The following BTBD9 variants were observed in gnomAD, a reference collection of about 807,000 sequenced individuals.
BTBD9 encodes BTB/POZ domain-containing protein 9.
Under a neutral mutation model 64.3 loss-of-function variants are expected in BTBD9, and 49 were observed. The observed-to-expected ratio is 0.76, with a 90% CI of 0.61 to 0.97. The LOEUF is 0.97. Ranked by LOEUF, BTBD9 falls within the 50% of genes least tolerant of loss-of-function variation. The pLI is 0.00. For missense variants in BTBD9, 598 were observed against 762.1 expected (o/e 0.78, Z 2.53); for synonymous variants, 260 against 274.7 (o/e 0.95, Z 0.53).
In BTBD9 at chr6:38,192,552, G is replaced by T; in HGVS notation, c.1608C>A (p.Ile536=). 1.2e-6 allele frequency: 2 copies of T among 1,613,992 alleles called. No individual in the cohort carries two copies. The highest frequency in any genetic ancestry group is 1.7e-6 in the Non-Finnish European group (2 of 1,179,954). ...CTGTGTTGTGTGTCCCAACGATACG[G>T]ATGAAGGAGGCAGGCTGCCTTTCAA... ...VTFERQPASF[I]RIVGTHNTAN... Residue 536 remains isoleucine, a synonymous_variant, in exon 10 of 11, where the codon ATC becomes ATA. Transcript: ENST00000481247.
At chr6:38,192,684 G>T in intron 9 of BTBD9, 87 bp from the exon 10 acceptor site, 1 of 1,215,828 alleles carries the variant, frequency 8.2e-7, no homozygotes, top group South Asian at 1.2e-5. Flanking sequence ...CCACTGAGGA[G>T]GGAGGGCTTC....
At chr6:38,548,788 C>A (rs2127445292) in intron 6 of BTBD9, among the ~76,000 whole-genome samples, 1 of 152,204 alleles carries the variant, frequency 6.6e-6, no homozygotes, top group Middle Eastern at 3.4e-3. Context: ...ACTGTTGTAA[C>A]CTGATAAAAG....
At chr6:38,519,462 G>T (rs1252881948) in intron 6 of BTBD9, among the ~76,000 whole-genome samples, 1 of 152,202 alleles carries the variant, frequency 6.6e-6, no homozygotes, top group Non-Finnish European at 1.5e-5. Flanking sequence ...TGATAGATAT[G>T]TGACACAGCA....
At chr6:38,371,314 G>T (rs1301779529) in intron 6 of BTBD9, among the ~76,000 whole-genome samples, 1 of 152,166 alleles carries the variant, frequency 6.6e-6, no homozygotes, top group Non-Finnish European at 1.5e-5. Context: ...AAAAGACAGA[G>T]AAATTTAAAC....
chr6:38,618,746 G>C (rs1014480650), intron 1 of BTBD9, among the ~76,000 whole-genome samples: 1 of 152,158 alleles, frequency 6.6e-6, no homozygotes, highest in East Asian at 1.9e-4. Context: ...TAGGGTCTAG[G>C]GCAAACCTTC....
At chr6:38,479,383 TA>T (rs1011534645) in intron 6 of BTBD9, among the ~76,000 whole-genome samples, 1 of 151,730 alleles carries the variant, frequency 6.6e-6, no homozygotes, top group African/African-American at 2.4e-5. Context: ...GGAGGAAGCA[TA>T]AAAAAAATCA....
In BTBD9 at chr6:38,593,992, G is replaced by C; in HGVS notation, c.521C>G (p.Ser174Ter). The change falls in exon 3 of 11, where the codon TCA (serine) becomes TGA (stop). Residue 174 changes from serine to a stop codon, truncating the protein, a stop_gained. Transcript: ENST00000481247. LOFTEE classifies it high-confidence loss of function. ...AGAAAGGGAGAGGAAACCTTCACTT[G>C]AGAGGACTTCCTGAGCATTCCTATC... ...FMDRNAQEVL[S>*]SEGFLSLSKT... The C allele has an allele frequency of 6.2e-7, 1 of 1,613,646 alleles. No individual in the cohort carries two copies. Among genetic ancestry groups the C allele is most frequent in the African/African-American group, 1.3e-5 (1 of 75,042 alleles).
At chr6:38,508,385 C>G (rs773369897) in intron 6 of BTBD9, among the ~76,000 whole-genome samples, 1 of 152,050 alleles carries the variant, frequency 6.6e-6, no homozygotes, top group African/African-American at 2.4e-5. Context: ...ACCCCTCCCC[C>G]AAATAGACAC....
At chr6:38,613,255 C>A (rs1292368175) in intron 1 of BTBD9, among the ~76,000 whole-genome samples, 1 of 152,126 alleles carries the variant, frequency 6.6e-6, no homozygotes, top group African/African-American at 2.4e-5. Flanking sequence ...ACATTATAGT[C>A]CTGTTTGACA....
intron 9 of BTBD9, among the ~76,000 whole-genome samples, chr6:38,208,923 T>C (rs968343311): frequency 1.3e-5 from 2 of 152,198 alleles, no homozygotes; most frequent in Non-Finnish European, 2.9e-5. Flanking sequence ...GAATTAGTGA[T>C]TGTTTTGGCC....
At chr6:38,532,715 C>A (rs867239401) in intron 6 of BTBD9, among the ~76,000 whole-genome samples, 1 of 151,978 alleles carries the variant, frequency 6.6e-6, no homozygotes, top group Admixed American at 6.6e-5. Context: ...AAGGGAAGAA[C>A]CCAGTCCTCG....
chr6:38,336,198 G>C (rs1197637693), intron 7 of BTBD9, among the ~76,000 whole-genome samples: 1 of 152,124 alleles, frequency 6.6e-6, no homozygotes, highest in African/African-American at 2.4e-5. Context: ...CCACTAGAAG[G>C]GGCTCTGCCT....
intron 8 of BTBD9, 99 bp from the exon 9 acceptor site, chr6:38,256,615 A>G: frequency 1.3e-6 from 1 of 796,288 alleles, no homozygotes; most frequent in Non-Finnish European, 2.1e-6. Flanking sequence ...TTTGTTCAGC[A>G]CATTTCTAGG....
chr6:38,592,981 T>C (rs1776871377), intron 3 of BTBD9, 141 bp from the exon 4 acceptor site: 5 of 829,786 alleles, frequency 6.0e-6, no homozygotes, highest in Admixed American at 2.7e-5. Flanking sequence ...TTGTGCCACA[T>C]ATTCTCCTAC....
At chr6:38,549,082 A>G (rs1774683042) in intron 6 of BTBD9, among the ~76,000 whole-genome samples, 1 of 152,202 alleles carries the variant, frequency 6.6e-6, no homozygotes, top group Admixed American at 6.5e-5. Context: ...GAAGTTCACA[A>G]TATTTTTTAA....
At position 38,171,905 on chromosome 6, in the gene BTBD9, AATAATG is replaced by A. The variant is rs1253334194; in HGVS notation, c.*3074_*3079del. 6.8e-6 allele frequency: 1 copy of A among 146,824 alleles called. No homozygotes were observed. The highest frequency in any genetic ancestry group is 2.5e-5 in the African/African-American group (1 of 39,738). 9.1% of individuals were successfully genotyped at this position (146,824 alleles called of 1,614,324 possible). ...AAATAATAATAATAATAATAATAAT[AATAATG>A]AAAAGTGAAGGGTGGGGGTGCTGGC... On this transcript the variant is annotated 3_prime_UTR_variant, in exon 11 of 11. Coordinates refer to ENST00000481247, the MANE Select transcript of BTBD9 (RefSeq NM_001099272.2).
At chr6:38,227,663 A>G (rs1763445511) in intron 9 of BTBD9, among the ~76,000 whole-genome samples, 1 of 152,194 alleles carries the variant, frequency 6.6e-6, no homozygotes, top group African/African-American at 2.4e-5. Context: ...TCTAGAAAGA[A>G]ACAAGGGATC....
chr6:38,407,491 C>T (rs115592375), intron 6 of BTBD9, among the ~76,000 whole-genome samples: 4 of 152,002 alleles, frequency 2.6e-5, no homozygotes, highest in African/African-American at 4.8e-5. Context: ...GAGAAGCAGA[C>T]CAGCCACAGT....
intron 9 of BTBD9, among the ~76,000 whole-genome samples, chr6:38,205,799 G>T (rs1762620459): frequency 6.8e-6 from 1 of 147,216 alleles, no homozygotes; most frequent in Admixed American, 7.0e-5. Flanking sequence ...CATGAGAATT[G>T]CTTGAACCTA....
Sources: gnomAD v4.1 joint callset for allele counts (sites outside exome capture counted in the v4.1 genomes callset) on GRCh38, gnomAD v4.1.1 for gene constraint, MANE v1.5 for transcripts, NCBI Gene and HGNC (gene_info 2026-07-23, HGNC 2026-07-21) for gene names.